DEPDC4: variants seen among roughly 807,000 people sequenced by gnomAD.
DEPDC4 encodes DEP domain-containing protein 4.
A neutral mutation model predicts 52.0 loss-of-function variants in DEPDC4; 52 were observed. That is an observed-to-expected ratio of 1.00 (90% CI 0.80 to 1.26). The LOEUF (loss-of-function observed/expected upper bound fraction) is 1.26, where lower values mean the gene tolerates loss of function less well. Among genes scored for constraint, DEPDC4 ranks in the 50% most tolerant of loss-of-function variants. The pLI is 0.00. For synonymous variants in DEPDC4, 201 were observed against 196.8 expected (o/e 1.02, Z -0.18); for missense variants, 530 against 546.9 (o/e 0.97, Z 0.31).
intron 8 of DEPDC4, among the ~76,000 whole-genome samples, chr12:100,244,512 T>A (rs1267915627): frequency 7.9e-5 from 12 of 151,832 alleles, no homozygotes; most frequent in African/African-American, 2.9e-4. Flanking sequence ...TCTTGCTCTG[T>A]CACCCCAGCT....
upstream of DEPDC4, chr12:100,267,346 G>T (rs796265249): frequency 8.9e-5 from 31 of 346,816 alleles, no homozygotes; most frequent in African/African-American, 6.3e-4. Flanking sequence ...CGTTTATTAG[G>T]GGGGCGGGGG....
chr12:100,269,833 C>T (rs987823879), upstream of DEPDC4, among the ~76,000 whole-genome samples: 5 of 152,028 alleles, frequency 3.3e-5, no homozygotes, highest in Admixed American at 6.6e-5. Flanking sequence ...TTATAGGTTC[C>T]GATTCCAAAG....
downstream of DEPDC4, among the ~76,000 whole-genome samples, chr12:100,239,186 C>T (rs1216748904): frequency 6.6e-6 from 1 of 152,078 alleles, no homozygotes; most frequent in Non-Finnish European, 1.5e-5. Context: ...AAGCAATTCT[C>T]CTGCCTCAGC....
the DEPDC4 span, among the ~76,000 whole-genome samples, chr12:100,280,600 A>G: frequency 1.3e-5 from 2 of 152,184 alleles, no homozygotes; most frequent in African/African-American, 4.8e-5. Flanking sequence ...TTACCAAAGG[A>G]GAAAAGTTAA....
intron 3 of DEPDC4, among the ~76,000 whole-genome samples, chr12:100,259,077 A>T (rs577968742): frequency 0.021 from 2,665 of 129,420 alleles, 68 homozygotes; most frequent in African/African-American, 0.065. Context: ...TCTCAAAAAA[A>T]AAAAATATAT....
At chr12:100,260,068 C>T (rs2153919969) in intron 3 of DEPDC4, among the ~76,000 whole-genome samples, 1 of 151,796 alleles carries the variant, frequency 6.6e-6, no homozygotes, top group Admixed American at 6.6e-5. Flanking sequence ...TAACAAATTG[C>T]TTAGCACAGA....
At chr12:100,251,363 T>G (rs912049975) in intron 7 of DEPDC4, among the ~76,000 whole-genome samples, 3 of 152,170 alleles carry the variant, frequency 2.0e-5, no homozygotes, top group African/African-American at 7.2e-5. Context: ...AAAAAAAAAC[T>G]ATTTCAAAAA....
At chr12:100,255,095 G>C (rs1449867308) in intron 4 of DEPDC4, among the ~76,000 whole-genome samples, 1 of 152,104 alleles carries the variant, frequency 6.6e-6, no homozygotes, top group Admixed American at 6.6e-5. Context: ...TTGTCTTCTA[G>C]ATCCTAGTAT....
At chr12:100,278,344 C>G in the DEPDC4 span, among the ~76,000 whole-genome samples, 1 of 152,054 alleles carries the variant, frequency 6.6e-6, no homozygotes, top group African/African-American at 2.4e-5. Flanking sequence ...AGACTACAGT[C>G]AGATGACACC....
intron 8 of DEPDC4, among the ~76,000 whole-genome samples, chr12:100,248,268 G>A (rs369791059): frequency 9.2e-5 from 14 of 151,942 alleles, no homozygotes; most frequent in African/African-American, 1.7e-4. Flanking sequence ...TTCCCATTTC[G>A]TAGTTGAGGA....
At chr12:100,267,355 G>T (rs1365125693), upstream of DEPDC4, 4 of 337,124 alleles carry the variant, frequency 1.2e-5, no homozygotes, top group East Asian at 1.6e-4. Flanking sequence ...GGGGGGCGGG[G>T]GGAAAGAGCC....
upstream of DEPDC4, among the ~76,000 whole-genome samples, chr12:100,271,136 A>G (rs949199379): frequency 6.6e-6 from 1 of 152,028 alleles, no homozygotes; most frequent in Non-Finnish European, 1.5e-5. Context: ...CCAGTTTTTG[A>G]AAACTTTCTT....
intron 3 of DEPDC4, among the ~76,000 whole-genome samples, chr12:100,259,020 G>C (rs1427455406): frequency 6.6e-6 from 1 of 151,422 alleles, no homozygotes; most frequent in African/African-American, 2.4e-5. Flanking sequence ...GCAGTGAGCC[G>C]AGATCGCACC....
At chr12:100,268,993 A>C (rs913736959), upstream of DEPDC4, among the ~76,000 whole-genome samples, 3 of 152,076 alleles carry the variant, frequency 2.0e-5, no homozygotes, top group African/African-American at 7.2e-5. Flanking sequence ...TCTCATCCTG[A>C]CTACTTCCGT....
chr12:100,236,967 T>C (rs1386048586), downstream of DEPDC4, among the ~76,000 whole-genome samples: 2 of 152,160 alleles, frequency 1.3e-5, no homozygotes, highest in Non-Finnish European at 2.9e-5. Flanking sequence ...TGTTTTTGTT[T>C]GCTTTGTCGA....
At chr12:100,266,875 C>G in intron 1 of DEPDC4, 45 bp downstream of exon 1, 1 of 1,586,370 alleles carries the variant, frequency 6.3e-7, no homozygotes. Context: ...CTTCAGCTGC[C>G]CCCTCCACCT....
chr12:100,242,776 C>T (rs1038155787), intron 8 of DEPDC4, among the ~76,000 whole-genome samples: 1 of 152,196 alleles, frequency 6.6e-6, no homozygotes. Flanking sequence ...CTTTCCCATC[C>T]TGAGTCCATC....
intron 8 of DEPDC4, among the ~76,000 whole-genome samples, chr12:100,244,041 CCTTTA>C (rs1274535553): frequency 2.9e-5 from 4 of 140,180 alleles, no homozygotes; most frequent in African/African-American, 7.8e-5. Context: ...TATCCTTGAA[CCTTTA>C]CTTAGCACAG....
intron 3 of DEPDC4, among the ~76,000 whole-genome samples, chr12:100,259,056 G>A (rs777702844): frequency 2.8e-5 from 4 of 143,122 alleles, no homozygotes; most frequent in African/African-American, 5.3e-5. Context: ...GGGCGACAGG[G>A]CAAAAATCTG....
Sources: gnomAD v4.1 joint callset for allele counts (sites outside exome capture counted in the v4.1 genomes callset) on GRCh38, gnomAD v4.1.1 for gene constraint, MANE v1.5 for transcripts, NCBI Gene and HGNC (gene_info 2026-07-23, HGNC 2026-07-21) for gene names.